Variants in NTM observed in about 807,000 individuals in gnomAD.
NTM encodes the protein neurotrimin.
Under a neutral mutation model 42.1 loss-of-function variants are expected in NTM, and 13 were observed. The observed-to-expected ratio is 0.31, with a 90% confidence interval of 0.20 to 0.49. The LOEUF (loss-of-function observed/expected upper bound fraction) is 0.49. NTM is among the 20% of genes least tolerant of loss of function. The pLI is 0.99. For synonymous variants in NTM, 187 were observed against 179.2 expected, an observed-to-expected ratio of 1.04 and a Z score of -0.35; for missense variants, 373 against 452.8, an observed-to-expected ratio of 0.82 and a Z score of 1.60.
At chr11:131,898,294 G>A (rs1304584794) in intron 1 of NTM, among the ~76,000 whole-genome samples, 1 of 152,222 alleles carries the variant, frequency 6.6e-6, no homozygotes, top group African/African-American at 2.4e-5. Context: ...ATGTCTGCCT[G>A]TGGGGAAGTA....
intron 2 of NTM, among the ~76,000 whole-genome samples, chr11:131,931,468 CGT>C (rs147069139): frequency 0.095 from 13,576 of 142,532 alleles, 707 homozygotes; most frequent in African/African-American, 0.16. Context: ...ATAATATATA[CGT>C]GTGTGTGTGT....
At chr11:131,644,159 C>A (rs2065480198) in intron 1 of NTM, among the ~76,000 whole-genome samples, 1 of 152,106 alleles carries the variant, frequency 6.6e-6, no homozygotes, top group Admixed American at 6.5e-5. Context: ...CTTCAGCTTC[C>A]CTTCCTCTCT....
At chr11:132,076,275 A>G (rs2136222712) in intron 2 of NTM, among the ~76,000 whole-genome samples, 1 of 152,292 alleles carries the variant, frequency 6.6e-6, no homozygotes, top group East Asian at 1.9e-4. Flanking sequence ...TGCTGCAACA[A>G]CTCAACTCAG....
intron 7 of NTM, among the ~76,000 whole-genome samples, chr11:132,317,856 C>T (rs1009956471): frequency 4.6e-5 from 7 of 152,094 alleles, no homozygotes; most frequent in African/African-American, 1.7e-4. Flanking sequence ...CTTCAAGCTC[C>T]CTTTGCTTTG....
At chr11:131,614,766 C>G (rs937434839) in intron 1 of NTM, among the ~76,000 whole-genome samples, 1 of 152,224 alleles carries the variant, frequency 6.6e-6, no homozygotes, top group Non-Finnish European at 1.5e-5. Flanking sequence ...AAAACTGTTG[C>G]AGCTGCATAT....
intron 2 of NTM, among the ~76,000 whole-genome samples, chr11:131,919,404 A>G (rs1379488990): frequency 6.6e-6 from 1 of 152,186 alleles, no homozygotes; most frequent in African/African-American, 2.4e-5. Flanking sequence ...TGGGTTTAGG[A>G]TGCAATTTCA....
intron 1 of NTM, among the ~76,000 whole-genome samples, chr11:131,418,502 G>T: frequency 6.6e-6 from 1 of 152,178 alleles, no homozygotes; most frequent in East Asian, 1.9e-4. Flanking sequence ...TTCAAAGACT[G>T]GGCTTTAAGG....
intron 2 of NTM, among the ~76,000 whole-genome samples, chr11:132,000,266 G>A (rs1290030978): frequency 6.6e-6 from 1 of 152,178 alleles, no homozygotes; most frequent in Non-Finnish European, 1.5e-5. Context: ...CCAAAGATAG[G>A]CACATATCTG....
chr11:132,320,915 C>G lies in NTM; in HGVS notation c.934+6212C>G, dbSNP rs527956569. 5.4e-4 allele frequency among the ~76,000 whole-genome samples: 82 copies of G among 151,198 alleles called. 1 individual carries two copies. The highest frequency in any genetic ancestry group is 3.4e-3 in the Middle Eastern group (1 of 292). ...TGGGAGGCACCCCCCAGCAGGGCCA[C>G]ACTGACACCTCACACTGCAGGGTAC... On this transcript the variant is annotated intron_variant, in intron 7 of 8. Transcript: ENST00000683400.
chr11:131,761,673 G>C (rs1194108737), intron 1 of NTM, among the ~76,000 whole-genome samples: 1 of 152,046 alleles, frequency 6.6e-6, no homozygotes, highest in Non-Finnish European at 1.5e-5. Context: ...GCCAGGCGTG[G>C]TGGCGCATCC....
intron 1 of NTM, among the ~76,000 whole-genome samples, chr11:131,502,437 A>G (rs1438099053): frequency 1.3e-5 from 2 of 152,134 alleles, no homozygotes; most frequent in Non-Finnish European, 2.9e-5. Flanking sequence ...AGCAGCCAAA[A>G]CTGACCAAGA....
At chr11:132,019,878 T>C (rs965448294) in intron 2 of NTM, among the ~76,000 whole-genome samples, 1 of 151,926 alleles carries the variant, frequency 6.6e-6, no homozygotes, top group Non-Finnish European at 1.5e-5. Flanking sequence ...GGGGTACATG[T>C]GCAGGTTTGT....
intron 4 of NTM, among the ~76,000 whole-genome samples, chr11:132,238,220 G>A (rs1438749216): frequency 6.6e-6 from 1 of 152,158 alleles, no homozygotes; most frequent in Non-Finnish European, 1.5e-5. Context: ...GAGCTGAGGG[G>A]AGAGGAGAGG....
intron 1 of NTM, among the ~76,000 whole-genome samples, chr11:131,410,489 T>A (rs988599585): frequency 4.4e-5 from 5 of 112,986 alleles, no homozygotes; most frequent in Admixed American, 2.4e-4. Flanking sequence ...TGAGACCCTG[T>A]CTCAGAAACA....
At chr11:132,143,894 G>C (rs143498990) in intron 2 of NTM, among the ~76,000 whole-genome samples, 184 of 152,264 alleles carry the variant, frequency 1.2e-3, no homozygotes, top group African/African-American at 4.2e-3. Flanking sequence ...TAAGAGAGGT[G>C]CACCCTCTAT....
chr11:131,617,099 G>C lies in NTM; in HGVS notation c.82+246211G>C, dbSNP rs78387036. Among the ~76,000 whole-genome samples the C allele has an allele frequency of 1.4e-4, 21 of 152,230 alleles. No individual in the cohort carries two copies. The East Asian group carries it at 3.5e-3, about 25-fold the overall frequency. ...AGAATTGTGGGGCTGGACGCTGCGA[G>C]GCTGGGGCAGGCAGACCCTAGGTGT... On this transcript the variant is annotated intron_variant, in intron 1 of 8. Coordinates refer to ENST00000683400, the MANE Select transcript of NTM (RefSeq NM_001352005.2).
At chr11:131,617,718 C>T (rs2062083295) in intron 1 of NTM, among the ~76,000 whole-genome samples, 1 of 152,180 alleles carries the variant, frequency 6.6e-6, no homozygotes, top group Admixed American at 6.5e-5. Flanking sequence ...AAATGTCCTC[C>T]ACCAATTTTC....
chr11:131,629,364 G>A (rs1340930510), intron 1 of NTM, among the ~76,000 whole-genome samples: 1 of 152,140 alleles, frequency 6.6e-6, no homozygotes, highest in Non-Finnish European at 1.5e-5. Context: ...GCCCAAAGAA[G>A]CTGTCCTGTA....
chr11:131,796,500 G>T (rs77753032), intron 1 of NTM, among the ~76,000 whole-genome samples: 1 of 152,294 alleles, frequency 6.6e-6, no homozygotes, highest in African/African-American at 2.4e-5. Flanking sequence ...CACAGGAACC[G>T]CAGGCCAACA....
Sources: gnomAD v4.1 joint callset for allele counts (sites outside exome capture counted in the v4.1 genomes callset) on GRCh38, gnomAD v4.1.1 for gene constraint, MANE v1.5 for transcripts, NCBI Gene and HGNC (gene_info 2026-07-23, HGNC 2026-07-21) for gene names.